The following NFATC2 variants were observed in gnomAD, a reference collection of about 807,000 sequenced individuals.
NFATC2 encodes the protein nuclear factor of activated T cells 2, also known as nuclear factor of activated T-cells, cytoplasmic 2.
Under a neutral mutation model 87.3 loss-of-function variants are expected in NFATC2, and 22 were observed. The ratio of observed to expected loss-of-function variants is 0.25; its 90% CI spans 0.18 to 0.36. The LOEUF (loss-of-function observed/expected upper bound fraction) is 0.36. NFATC2 is among the 10% of genes least tolerant of loss of function. The pLI is 1.00. For synonymous variants in NFATC2, 565 were observed against 542.2 expected (o/e 1.04, Z -0.58); for missense variants, 1,149 against 1,259.1 (o/e 0.91, Z 1.32).
Position 51,562,435 on chromosome 20 carries a change from C to T in NFATC2, c.70+125G>A. 2 of 827,088 alleles carry T rather than the reference C, an allele frequency of 2.4e-6. No individual in the cohort carries two copies. The highest frequency in any genetic ancestry group is 3.7e-6 in the Non-Finnish European group (2 of 533,956). 51.2% of individuals were successfully genotyped at this position (827,088 alleles called of 1,614,324 possible). ...CCGCTACCTGTGCGCCGAGGGCGAG[C>T]GGGGTCCCCAGGCCTCCCGCACCGA... On this transcript the variant is annotated intron_variant, in intron 1 of 10. Coordinates refer to the NFATC2 transcript ENST00000414705. This position sits in a 1 kb window ranked among gnomAD's most constrained non-coding sequence, Gnocchi z 5.8.
At chr20:51,526,325 G>A (rs1394346994) in intron 1 of NFATC2, among the ~76,000 whole-genome samples, 2 of 152,160 alleles carry the variant, frequency 1.3e-5, no homozygotes, top group African/African-American at 4.8e-5. Context: ...GACACAGGGT[G>A]AACAAAGCAA....
At chr20:51,500,975 T>C in intron 3 of NFATC2, among the ~76,000 whole-genome samples, 1 of 145,978 alleles carries the variant, frequency 6.9e-6, no homozygotes. Context: ...GCTATCAGAG[T>C]TCAACACAAA....
chr20:51,539,638 G>A (rs1367296194), intron 1 of NFATC2, among the ~76,000 whole-genome samples: 2 of 152,158 alleles, frequency 1.3e-5, no homozygotes, highest in Non-Finnish European at 2.9e-5. Flanking sequence ...CTACAGGCAT[G>A]CGCAACTAGG....
intron 3 of NFATC2, among the ~76,000 whole-genome samples, chr20:51,508,024 A>G (rs1321046031): frequency 6.6e-6 from 1 of 152,166 alleles, no homozygotes; most frequent in Non-Finnish European, 1.5e-5. Flanking sequence ...AGTTTCTTCT[A>G]TATTGTTCCT....
chr20:51,407,643 C>T (rs1390871299), intron 9 of NFATC2, among the ~76,000 whole-genome samples: 1 of 152,158 alleles, frequency 6.6e-6, no homozygotes. Context: ...CCTGGCACCC[C>T]ATCTCCCCTG....
At chr20:51,512,269 G>A (rs1260615953) in intron 3 of NFATC2, among the ~76,000 whole-genome samples, 1 of 152,202 alleles carries the variant, frequency 6.6e-6, no homozygotes, top group East Asian at 1.9e-4. Flanking sequence ...TGAATCCAAT[G>A]GACAAGCTTC....
chr20:51,431,996 A>G, intron 9 of NFATC2, 71 bp downstream of exon 9: 2 of 1,445,346 alleles, frequency 1.4e-6, no homozygotes, highest in Non-Finnish European at 9.3e-7. Flanking sequence ...TAGGCCATGC[A>G]GTGAACTTCC....
chr20:51,559,690 A>C (rs2146849193), intron 1 of NFATC2, among the ~76,000 whole-genome samples: 1 of 152,294 alleles, frequency 6.6e-6, no homozygotes. Context: ...GTCAATGATA[A>C]ATTTATGTTT....
Position 51,484,731 on chromosome 20 carries a change from G to T in NFATC2, c.1333-9071C>A, listed in dbSNP as rs547269373. 1.1e-4 allele frequency among the ~76,000 whole-genome samples: 16 copies of T among 152,318 alleles called. No homozygotes were observed. In the East Asian group the frequency reaches 2.3e-3, roughly 22 times the overall value. ...GCCTTGTCCTGCTCGGTGTGGGCACGACTCAGCTGGTTGGACAACTGGTAC... is the reference window on the plus strand; with the variant it reads ...GCCTTGTCCTGCTCGGTGTGGGCACTACTCAGCTGGTTGGACAACTGGTAC... On this transcript the variant is annotated intron_variant, in intron 3 of 10. Transcript: ENST00000371564.
At chr20:51,489,267 G>A (rs1313209198) in intron 3 of NFATC2, among the ~76,000 whole-genome samples, 2 of 152,168 alleles carry the variant, frequency 1.3e-5, no homozygotes, top group Non-Finnish European at 2.9e-5. Flanking sequence ...GGCCCCTTTG[G>A]CCCTATCTCC....
At position 51,496,831 on chromosome 20, in the gene NFATC2, C is replaced by G. The variant is rs145123036; in HGVS notation, c.1332+19953G>C. 2.2e-3 allele frequency among the ~76,000 whole-genome samples: 340 copies of G among 152,306 alleles called. 2 individuals are homozygous for G. Among genetic ancestry groups the G allele is most frequent in the Admixed American group, 4.4e-3 (67 of 15,304 alleles). ...TTATTTTCCCGTCTGTTTCTCCCAG[C>G]AGACTGGGCACTCCCTGAAAGCAAG... On this transcript the variant is annotated intron_variant, in intron 3 of 10. Coordinates refer to ENST00000371564, the MANE Select transcript of NFATC2 (RefSeq NM_012340.5).
chr20:51,503,251 T>C (rs2076120707), intron 3 of NFATC2, among the ~76,000 whole-genome samples: 1 of 152,152 alleles, frequency 6.6e-6, no homozygotes, highest in Non-Finnish European at 1.5e-5. Context: ...TTCCCCAAAA[T>C]CAATTTATGA....
intron 6 of NFATC2, among the ~76,000 whole-genome samples, chr20:51,440,233 T>A (rs1984136271): frequency 3.6e-5 from 1 of 27,830 alleles, no homozygotes; most frequent in Non-Finnish European, 5.6e-5. Flanking sequence ...CAAAACTCCA[T>A]CTCAAAAAAA....
At chr20:51,481,342 G>A (rs779023685) in intron 3 of NFATC2, among the ~76,000 whole-genome samples, 27 of 151,916 alleles carry the variant, frequency 1.8e-4, no homozygotes, top group African/African-American at 5.1e-4. Flanking sequence ...GCTTTGGGGC[G>A]GCCTTTTCAG....
intron 1 of NFATC2, among the ~76,000 whole-genome samples, chr20:51,549,934 T>C (rs1011886752): frequency 6.6e-6 from 1 of 152,232 alleles, no homozygotes; most frequent in Non-Finnish European, 1.5e-5. Flanking sequence ...GCATTTTCAT[T>C]TCGCACAATG....
intron 3 of NFATC2, among the ~76,000 whole-genome samples, chr20:51,499,011 TAGCAGGTGGGA>T (rs1378451237): frequency 6.6e-6 from 1 of 151,844 alleles, no homozygotes; most frequent in Admixed American, 6.6e-5. Context: ...CAGAGGCCAT[TAGCAGGTGGGA>T]ATGGAGTGAG....
chr20:51,484,171 A>C (rs1989510354), intron 3 of NFATC2, among the ~76,000 whole-genome samples: 1 of 150,508 alleles, frequency 6.6e-6, no homozygotes, highest in Admixed American at 6.6e-5. Context: ...CCCACCAGGC[A>C]GGTGCCCGTC....
chr20:51,411,606 C>G (rs773668783), intron 9 of NFATC2, among the ~76,000 whole-genome samples: 8 of 146,336 alleles, frequency 5.5e-5, no homozygotes, highest in African/African-American at 1.0e-4. Flanking sequence ...CAGCTCACTG[C>G]AACCTCTGCC....
rs565035704 is a variant in NFATC2 at position 51,468,348 on chromosome 20, G to A, written c.1708+5632C>T. On this transcript the variant is annotated intron_variant, in intron 5 of 10. Transcript: ENST00000371564. ...ATATATATATATGTCACAAAGAGAG[G>A]CAGAGAGGGAAAAGAGCATGTGAAA... 2.0e-5 allele frequency among the ~76,000 whole-genome samples: 3 copies of A among 152,240 alleles called. No individual in the cohort carries two copies. In the Middle Eastern group the frequency reaches 0.01, roughly 518 times the overall value.
Sources: allele counts gnomAD v4.1 joint callset (sites outside exome capture counted in the v4.1 genomes callset), GRCh38; gene constraint gnomAD v4.1.1; non-coding constraint Gnocchi (gnomAD v3.1); transcripts MANE v1.5; gene names NCBI Gene and HGNC (gene_info 2026-07-23, HGNC 2026-07-21).